SCMH1: variants seen among roughly 807,000 people sequenced by gnomAD.
SCMH1 encodes polycomb protein SCMH1.
SCMH1 carries 37 observed loss-of-function variants against 70.8 expected under a neutral mutation model. The observed-to-expected ratio is 0.52, with a 90% CI of 0.40 to 0.69. SCMH1 has a LOEUF of 0.69. Among genes scored for constraint, SCMH1 ranks in the 30% least tolerant of loss-of-function variants. SCMH1 has a pLI of 0.00. For synonymous variants in SCMH1, 292 were observed against 307.4 expected, an observed-to-expected ratio of 0.95 and a Z score of 0.52; for missense variants, 607 against 827.3, an observed-to-expected ratio of 0.73 and a Z score of 3.27.
intron 6 of SCMH1, among the ~76,000 whole-genome samples, chr1:41,142,547 T>G (rs1644194674): frequency 6.6e-6 from 1 of 152,158 alleles, no homozygotes; most frequent in Non-Finnish European, 1.5e-5. Context: ...ATGATAGGAT[T>G]TGGTGAAAGC....
chr1:41,177,862 C>A (rs1431748482), intron 2 of SCMH1, among the ~76,000 whole-genome samples: 1 of 152,178 alleles, frequency 6.6e-6, no homozygotes, highest in Non-Finnish European at 1.5e-5. Flanking sequence ...GGCAGGCCAA[C>A]ATTCAAATTC....
At chr1:41,237,709 A>G (rs1226362968) in intron 1 of SCMH1, among the ~76,000 whole-genome samples, 2 of 152,112 alleles carry the variant, frequency 1.3e-5, no homozygotes, top group Non-Finnish European at 2.9e-5. Flanking sequence ...TAAATTATTT[A>G]CTCTATTGAA....
At position 41,138,715 on chromosome 1, in the gene SCMH1, A is replaced by G. The variant is rs116817413; in HGVS notation, c.412+4163T>C. 1.3e-5 allele frequency among the ~76,000 whole-genome samples: 2 copies of G among 152,028 alleles called. 1 individual carries two copies. The highest frequency in any genetic ancestry group is 4.8e-5 in the African/African-American group (2 of 41,480). ...ACTTTTACAACCTATGATTCAAGGT[A>G]TTTTTTTCATATCTGCCAAGACTTG... On this transcript the variant is annotated intron_variant, in intron 6 of 14. Transcript: ENST00000337495.
At chr1:41,126,308 A>G (rs890221117) in intron 6 of SCMH1, among the ~76,000 whole-genome samples, 3 of 152,132 alleles carry the variant, frequency 2.0e-5, no homozygotes, top group Admixed American at 2.0e-4. Context: ...AGTTTTTTCA[A>G]TGTGGTTATT....
chr1:41,044,802 G>A (rs1351522592), intron 12 of SCMH1, among the ~76,000 whole-genome samples: 2 of 152,018 alleles, frequency 1.3e-5, no homozygotes, highest in East Asian at 3.9e-4. Flanking sequence ...GATGTAAATT[G>A]GGGCAGAATT....
chr1:41,054,128 A>G (rs2144790), intron 10 of SCMH1, among the ~76,000 whole-genome samples: 129,315 of 152,064 alleles, frequency 0.85, 55,488 homozygotes, highest in East Asian at 0.97. Context: ...ACAGGTGTGA[A>G]CCACCGCGCC....
At chr1:41,163,326 A>G (rs1557707490) in intron 2 of SCMH1, among the ~76,000 whole-genome samples, 1 of 152,160 alleles carries the variant, frequency 6.6e-6, no homozygotes, top group Non-Finnish European at 1.5e-5. Flanking sequence ...TCACCACTCC[A>G]TGCCTAACTC....
intron 13 of SCMH1, 29 bp from the exon 14 acceptor site, chr1:41,034,077 T>C (rs1210739368): frequency 1.3e-6 from 2 of 1,587,614 alleles, no homozygotes; most frequent in South Asian, 2.3e-5. Flanking sequence ...GGTGTCACCA[T>C]CTCCAGTTTG....
At chr1:41,051,739 T>C (rs896339253) in intron 10 of SCMH1, among the ~76,000 whole-genome samples, 1 of 152,222 alleles carries the variant, frequency 6.6e-6, no homozygotes, top group African/African-American at 2.4e-5. Flanking sequence ...TATGTTTGTA[T>C]TTTAAGCCAA....
intron 1 of SCMH1, among the ~76,000 whole-genome samples, chr1:41,223,348 G>C (rs985478467): frequency 2.0e-5 from 3 of 152,144 alleles, no homozygotes; most frequent in African/African-American, 7.2e-5. Context: ...GGGTATTGAC[G>C]AGTTTTGTCA....
intron 8 of SCMH1, among the ~76,000 whole-genome samples, chr1:41,112,894 T>C (rs2147853876): frequency 6.6e-6 from 1 of 152,328 alleles, no homozygotes; most frequent in South Asian, 2.1e-4. Context: ...CAACTATTTT[T>C]ACAATACAGT....
At chr1:41,041,999 G>T (rs955286346) in intron 12 of SCMH1, among the ~76,000 whole-genome samples, 4 of 152,052 alleles carry the variant, frequency 2.6e-5, no homozygotes, top group Admixed American at 6.6e-5. Flanking sequence ...GCACCCGGCC[G>T]GGCCTCTTTT....
At chr1:41,053,158 C>T (rs939811263) in intron 10 of SCMH1, among the ~76,000 whole-genome samples, 3 of 82,150 alleles carry the variant, frequency 3.7e-5, no homozygotes, top group Non-Finnish European at 7.3e-5. Flanking sequence ...GGTGGGATTA[C>T]AGGTGTGAGC....
chr1:41,227,701 G>T (rs913673850), intron 1 of SCMH1, among the ~76,000 whole-genome samples: 61 of 152,296 alleles, frequency 4.0e-4, no homozygotes, highest in Admixed American at 2.5e-3. Context: ...GGCAGATTTG[G>T]CTGGGCGCAG....
intron 10 of SCMH1, among the ~76,000 whole-genome samples, chr1:41,058,285 G>A (rs1445649155): frequency 6.6e-6 from 1 of 151,432 alleles, no homozygotes; most frequent in Admixed American, 6.6e-5. Flanking sequence ...AGCTAGCTTT[G>A]GAGTATGTCT....
chr1:41,220,361 T>C (rs1201875319), intron 1 of SCMH1, among the ~76,000 whole-genome samples: 1 of 152,226 alleles, frequency 6.6e-6, no homozygotes, highest in East Asian at 1.9e-4. Context: ...GAAATAATAG[T>C]TAATTTTCCC....
At chr1:41,161,465 A>G in intron 2 of SCMH1, 33 bp from the exon 3 acceptor site, 2 of 1,534,456 alleles carry the variant, frequency 1.3e-6, no homozygotes, top group Non-Finnish European at 1.8e-6. Flanking sequence ...TCATGTGGAA[A>G]GAAAGTATAA....
At chr1:41,202,400 C>G (rs1654574938) in intron 1 of SCMH1, among the ~76,000 whole-genome samples, 1 of 151,880 alleles carries the variant, frequency 6.6e-6, no homozygotes, top group Admixed American at 6.6e-5. Flanking sequence ...ACTTCCTCAG[C>G]TTTTGACCTA....
intron 2 of SCMH1, among the ~76,000 whole-genome samples, chr1:41,172,608 A>G (rs1047176440): frequency 6.6e-5 from 10 of 152,200 alleles, no homozygotes; most frequent in African/African-American, 2.2e-4. Context: ...CGGAACCATT[A>G]AAGTCTCTGA....
Sources: allele counts gnomAD v4.1 joint callset (sites outside exome capture counted in the v4.1 genomes callset), GRCh38; gene constraint gnomAD v4.1.1; transcripts MANE v1.5; gene names NCBI Gene and HGNC (gene_info 2026-07-23, HGNC 2026-07-21).